ITPR1: variants seen among roughly 807,000 people sequenced by gnomAD.
The protein encoded by ITPR1 is inositol 1,4,5-trisphosphate-gated calcium channel ITPR1.
A neutral mutation model predicts 318.4 loss-of-function variants in ITPR1; 96 were observed. The observed-to-expected ratio is 0.30, with a 90% CI of 0.26 to 0.36. ITPR1 has a LOEUF of 0.36. Ranked by LOEUF, ITPR1 falls within the 10% of genes least tolerant of loss-of-function variation. The probability of loss-of-function intolerance (pLI) is 1.00; values close to 1 mark genes in which losing one functional copy is unlikely to be tolerated. For synonymous variants in ITPR1, 1,312 were observed against 1,289.9 expected (o/e 1.02, Z -0.37); for missense variants, 2,440 against 3,460.2 (o/e 0.71, Z 7.40).
chr3:4,505,008 G>T (rs537728476), intron 2 of ITPR1, among the ~76,000 whole-genome samples: 2 of 151,102 alleles, frequency 1.3e-5, no homozygotes, highest in South Asian at 4.2e-4. Context: ...TGCCAGGCTC[G>T]GCCCATCGTT....
intron 4 of ITPR1, among the ~76,000 whole-genome samples, chr3:4,610,906 TCTC>T (rs1404292572): frequency 2.5e-5 from 2 of 79,884 alleles, no homozygotes; most frequent in South Asian, 6.9e-4. Context: ...TTCCCCCCCT[TCTC>T]CTTCTCCTTC....
At chr3:4,817,887 G>A (rs1316015511) in intron 59 of ITPR1, among the ~76,000 whole-genome samples, 195 bp from the exon 60 acceptor site, 1 of 152,184 alleles carries the variant, frequency 6.6e-6, no homozygotes, top group Non-Finnish European at 1.5e-5. Flanking sequence ...TCAAACCCAA[G>A]TCTGTCTGAC....
At chr3:4,774,395 C>G (rs1421438507) in intron 46 of ITPR1, among the ~76,000 whole-genome samples, 2 of 152,182 alleles carry the variant, frequency 1.3e-5, no homozygotes, top group Non-Finnish European at 2.9e-5. Flanking sequence ...ATTACTGGGT[C>G]AAAGATCATG....
rs2046418989 is a variant in ITPR1 at position 4,775,285 on chromosome 3, T to C, written c.6023T>C (p.Val2008Ala). 1.2e-6 allele frequency: 2 copies of C among 1,614,132 alleles called. No homozygotes were observed. The highest frequency in any genetic ancestry group is 1.7e-6 in the Non-Finnish European group (2 of 1,179,982). Residue 2008 changes from valine (V) to alanine (A), a missense_variant, in exon 47 of 62, where the codon GTA becomes GCA. Physicochemically the swap from Val to Ala is moderately conservative, Grantham distance 64 (BLOSUM62 0). This residue lies in a region of ITPR1 where 76 missense variants were observed against 162.1 expected (regional missense o/e 0.47). Coordinates refer to ENST00000649015, the MANE Select transcript of ITPR1 (RefSeq NM_001378452.1). ...AATAACAAGACCAACTACAATTTGG[T>C]ATGTGAGACCCTGCAGTTTCTGGAC... ...CQNNKTNYNL[V>A]CETLQFLDCI...
chr3:4,577,136 A>AC (rs569273766), intron 4 of ITPR1, among the ~76,000 whole-genome samples: 14 of 151,798 alleles, frequency 9.2e-5, no homozygotes, highest in African/African-American at 2.7e-4. Context: ...CATTCCACAG[A>AC]CCCCCCTACT....
chr3:4,765,046 A>C (rs959151043), intron 44 of ITPR1, among the ~76,000 whole-genome samples: 3 of 149,658 alleles, frequency 2.0e-5, no homozygotes, highest in Non-Finnish European at 4.4e-5. Flanking sequence ...GGATGGATGG[A>C]TGAAATAGCA....
chr3:4,712,538 A>G (rs900930453), intron 39 of ITPR1, among the ~76,000 whole-genome samples: 1 of 152,262 alleles, frequency 6.6e-6, no homozygotes, highest in African/African-American at 2.4e-5. Flanking sequence ...ATTTGAAGGT[A>G]ATAATGTTCA....
intron 59 of ITPR1, 37 bp from the exon 60 acceptor site, chr3:4,818,045 C>G: frequency 6.4e-7 from 1 of 1,563,686 alleles, no homozygotes; most frequent in Non-Finnish European, 8.7e-7. Flanking sequence ...ACCAAGGCTG[C>G]TCAGCTGGGG....
At chr3:4,635,073 A>G (rs556348055) in intron 5 of ITPR1, among the ~76,000 whole-genome samples, 1 of 152,086 alleles carries the variant, frequency 6.6e-6, no homozygotes, top group African/African-American at 2.4e-5. Context: ...CTACACGGTT[A>G]CTTCCTTGTT....
intron 2 of ITPR1, among the ~76,000 whole-genome samples, chr3:4,512,212 T>C (rs1048357533): frequency 2.1e-4 from 32 of 152,166 alleles, no homozygotes; most frequent in Non-Finnish European, 1.8e-4. Flanking sequence ...CAAGCCATCC[T>C]CCCACCTTGG....
At chr3:4,842,965 C>T (rs1036752053) in intron 61 of ITPR1, among the ~76,000 whole-genome samples, 4 of 151,816 alleles carry the variant, frequency 2.6e-5, no homozygotes, top group Non-Finnish European at 5.9e-5. Flanking sequence ...ACTAATAAAA[C>T]CAGAAATTAT....
chr3:4,497,936 A>G (rs541262441), intron 2 of ITPR1, among the ~76,000 whole-genome samples: 11 of 152,262 alleles, frequency 7.2e-5, no homozygotes, highest in Non-Finnish European at 1.5e-4. Context: ...AAGTGAAACA[A>G]GCCAGAAATA....
intron 4 of ITPR1, among the ~76,000 whole-genome samples, chr3:4,618,122 G>A (rs1482773780): frequency 6.6e-6 from 1 of 152,008 alleles, no homozygotes; most frequent in African/African-American, 2.4e-5. Flanking sequence ...GAAATGTTTT[G>A]GAACTAGATA....
At chr3:4,641,506 A>G (rs1161630956) in intron 6 of ITPR1, among the ~76,000 whole-genome samples, 2 of 152,174 alleles carry the variant, frequency 1.3e-5, no homozygotes, top group African/African-American at 4.8e-5. Context: ...CCTCCTGAGT[A>G]GCAGGGACTC....
intron 12 of ITPR1, among the ~76,000 whole-genome samples, chr3:4,656,184 A>G (rs2093704353): frequency 6.6e-6 from 1 of 152,214 alleles, no homozygotes; most frequent in Non-Finnish European, 1.5e-5. Flanking sequence ...CGCCGACTGC[A>G]CAATGAAAGG....
At chr3:4,800,638 C>T (rs2048167625) in intron 54 of ITPR1, 38 bp downstream of exon 54, 2 of 1,597,142 alleles carry the variant, frequency 1.3e-6, no homozygotes, top group African/African-American at 2.7e-5. Flanking sequence ...GTTTTGTTTG[C>T]AGATTAATAG....
At chr3:4,756,591 C>T (rs2045009703) in intron 44 of ITPR1, among the ~76,000 whole-genome samples, 1 of 152,122 alleles carries the variant, frequency 6.6e-6, no homozygotes, top group Admixed American at 6.6e-5. Flanking sequence ...ATTTGGTTTC[C>T]TGTTCCTGCA....
chr3:4,802,825 TA>T (rs529196175), intron 54 of ITPR1, among the ~76,000 whole-genome samples: 77 of 141,078 alleles, frequency 5.5e-4, no homozygotes, highest in African/African-American at 9.4e-4. Flanking sequence ...TGAGACTGAT[TA>T]AAAAAAAAAA....
rs141519515 is a variant in ITPR1 at position 4,670,939 on chromosome 3, C to T, written c.2204+13C>T. 2,256 of 1,521,044 alleles carry T rather than the reference C, an allele frequency of 1.5e-3. 26 individuals are homozygous for T. The African/African-American group carries it at 0.025, about 17-fold the overall frequency. 94.2% of individuals were successfully genotyped at this position (1,521,044 alleles called of 1,614,324 possible). A position where few individuals can be genotyped will look rare whatever the true frequency, so the allele number is the denominator to read the frequency against. ...TCAGCTACTACAGGTGCGTGGGACA[C>T]GTGTGGGGCTCAGATTGGGGTGCCC... On this transcript the variant is annotated intron_variant, in intron 20 of 61. Coordinates refer to ENST00000649015, the MANE Select transcript of ITPR1 (RefSeq NM_001378452.1).
Sources: allele counts gnomAD v4.1 joint callset (sites outside exome capture counted in the v4.1 genomes callset), GRCh38; gene constraint gnomAD v4.1.1; regional missense constraint gnomAD v4.1.1; transcripts MANE v1.5; gene names NCBI Gene and HGNC (gene_info 2026-07-23, HGNC 2026-07-21).